XKR9: variants seen among roughly 807,000 people sequenced by gnomAD.
The protein encoded by XKR9 is XK related 9, also known as XK-related protein 9.
XKR9 carries 32 observed loss-of-function variants against 32.0 expected under a neutral mutation model. The observed-to-expected ratio is 1.00, with a 90% confidence interval of 0.76 to 1.34. The LOEUF (loss-of-function observed/expected upper bound fraction) is 1.34, where lower values mean the gene tolerates loss of function less well. Among genes scored for constraint, XKR9 ranks in the 40% most tolerant of loss-of-function variants. The pLI, the probability that XKR9 is intolerant of heterozygous loss-of-function variation, is 0.00. For missense variants in XKR9, 546 were observed against 429.7 expected (o/e 1.27, Z -2.39); for synonymous variants, 168 against 143.4 (o/e 1.17, Z -1.22).
chr8:70,883,715 G>A, the XKR9 span, among the ~76,000 whole-genome samples: 1 of 151,986 alleles, frequency 6.6e-6, no homozygotes, highest in Admixed American at 6.6e-5. Flanking sequence ...TGGCTTCATA[G>A]CCTAGTTTTA....
chr8:70,970,805 C>A, the XKR9 span, among the ~76,000 whole-genome samples: 1 of 152,166 alleles, frequency 6.6e-6, no homozygotes, highest in African/African-American at 2.4e-5. Context: ...CAGGAAATAA[C>A]AGATGCTGGA....
At chr8:71,016,472 G>A in the XKR9 span, among the ~76,000 whole-genome samples, 3 of 152,052 alleles carry the variant, frequency 2.0e-5, no homozygotes, top group African/African-American at 7.2e-5. Context: ...CACAAAACAG[G>A]ACAATTGAGC....
At chr8:70,888,448 T>G in the XKR9 span, among the ~76,000 whole-genome samples, 1 of 152,024 alleles carries the variant, frequency 6.6e-6, no homozygotes. Flanking sequence ...TGCAGACACT[T>G]TTTCATTTGA....
the XKR9 span, among the ~76,000 whole-genome samples, chr8:70,891,748 T>G: frequency 6.6e-6 from 1 of 152,066 alleles, no homozygotes; most frequent in Non-Finnish European, 1.5e-5. Flanking sequence ...TTAGATGAAA[T>G]GTTTTGTAAA....
chr8:70,692,364 A>C (rs528576619), intron 3 of XKR9, among the ~76,000 whole-genome samples: 2 of 152,118 alleles, frequency 1.3e-5, no homozygotes, highest in Admixed American at 6.5e-5. Flanking sequence ...ATCTGCAAAC[A>C]GAGATAGTTT....
chr8:70,860,424 C>T, the XKR9 span, among the ~76,000 whole-genome samples: 4 of 152,180 alleles, frequency 2.6e-5, no homozygotes, highest in African/African-American at 9.6e-5. Flanking sequence ...CTCAGACTTC[C>T]AGCCTTCTCC....
chr8:70,767,496 C>CTTTTTTTTTTT (rs34400671), intron 2 of XKR9, among the ~76,000 whole-genome samples: 6 of 99,350 alleles, frequency 6.0e-5, no homozygotes, highest in South Asian at 3.3e-4. Context: ...TCTTTTCCTT[C>CTTTTTTTTTTT]TTTTTTTTTT....
intron 2 of XKR9, among the ~76,000 whole-genome samples, chr8:70,756,231 C>G (rs1807224347): frequency 6.6e-6 from 1 of 152,164 alleles, no homozygotes; most frequent in African/African-American, 2.4e-5. Context: ...CTCTATATAT[C>G]TGTTCTTTTG....
the XKR9 span, among the ~76,000 whole-genome samples, chr8:70,892,112 T>C: frequency 1.3e-5 from 2 of 152,158 alleles, no homozygotes; most frequent in Non-Finnish European, 2.9e-5. Flanking sequence ...GGAATATCTT[T>C]TTCCATCCCT....
chr8:71,047,717 T>C, the XKR9 span, among the ~76,000 whole-genome samples: 1 of 152,204 alleles, frequency 6.6e-6, no homozygotes, highest in African/African-American at 2.4e-5. Flanking sequence ...GGGATCACAT[T>C]TTTCTCTGTA....
At chr8:70,904,089 T>C in the XKR9 span, among the ~76,000 whole-genome samples, 1 of 152,228 alleles carries the variant, frequency 6.6e-6, no homozygotes, top group East Asian at 1.9e-4. Flanking sequence ...GAAGAATGTA[T>C]ACTCTGTTGA....
the XKR9 span, among the ~76,000 whole-genome samples, chr8:70,959,262 C>A: frequency 6.6e-6 from 1 of 152,140 alleles, no homozygotes; most frequent in Non-Finnish European, 1.5e-5. Context: ...CAAAAAGATG[C>A]ACATTCCCAC....
intron 2 of XKR9, among the ~76,000 whole-genome samples, chr8:70,786,981 G>C (rs1224501193): frequency 6.6e-6 from 1 of 152,028 alleles, no homozygotes; most frequent in Non-Finnish European, 1.5e-5. Context: ...TTCGAATATG[G>C]CTGTGAGTAG....
the XKR9 span, among the ~76,000 whole-genome samples, chr8:71,038,984 A>G: frequency 4.6e-5 from 7 of 151,698 alleles, no homozygotes; most frequent in Admixed American, 2.6e-4. Flanking sequence ...TTGTATTTTT[A>G]GTAGAGACGG....
At chr8:70,825,643 A>C in the XKR9 span, among the ~76,000 whole-genome samples, 1 of 152,112 alleles carries the variant, frequency 6.6e-6, no homozygotes, top group Non-Finnish European at 1.5e-5. Context: ...GACCACCCTG[A>C]AGAGCTTCTT....
chr8:70,799,332 A>G, the XKR9 span, among the ~76,000 whole-genome samples: 2 of 151,988 alleles, frequency 1.3e-5, no homozygotes, highest in East Asian at 3.9e-4. Flanking sequence ...GATTGCATTT[A>G]TTTATTTATT....
the XKR9 span, among the ~76,000 whole-genome samples, chr8:70,822,422 TAATAC>T: frequency 4.6e-5 from 7 of 151,840 alleles, no homozygotes; most frequent in African/African-American, 1.7e-4. Flanking sequence ...TGGTTGTGAG[TAATAC>T]ATGTGGTCAA....
chr8:70,764,941 A>C (rs1335866527), intron 2 of XKR9, among the ~76,000 whole-genome samples: 2 of 152,142 alleles, frequency 1.3e-5, no homozygotes, highest in African/African-American at 2.4e-5. Flanking sequence ...TCTATGGCTG[A>C]ATAGTATTCC....
chr8:70,682,413 A>G lies in XKR9; in HGVS notation c.272+1083A>G, dbSNP rs1586808753. Reference sequence around the variant, plus strand: ...CATTCTAATAATGGAAAATTTGCACATCTACAGAACTATTTTCATCAGCAT... The same window carrying G: ...CATTCTAATAATGGAAAATTTGCACGTCTACAGAACTATTTTCATCAGCAT... On this transcript the variant is annotated intron_variant, in intron 3 of 4. Coordinates refer to ENST00000408926, the MANE Select transcript of XKR9 (RefSeq NM_001011720.2). 2.0e-5 allele frequency among the ~76,000 whole-genome samples: 3 copies of G among 152,312 alleles called. No homozygotes were observed. The East Asian group carries it at 5.8e-4, about 29-fold the overall frequency.
Sources: gnomAD v4.1 joint callset for allele counts (sites outside exome capture counted in the v4.1 genomes callset) on GRCh38, gnomAD v4.1.1 for gene constraint, MANE v1.5 for transcripts, NCBI Gene and HGNC (gene_info 2026-07-23, HGNC 2026-07-21) for gene names.